LIMCH1: variants seen among roughly 807,000 people sequenced by gnomAD.
LIMCH1 encodes LIM and calponin homology domains 1, also known as LIM and calponin homology domains-containing protein 1.
LIMCH1 carries 113 observed loss-of-function variants against 176.5 expected under a neutral mutation model. That is an observed-to-expected ratio of 0.64 (90% CI 0.55 to 0.75). The LOEUF (loss-of-function observed/expected upper bound fraction) is 0.75. Among genes scored for constraint, LIMCH1 ranks in the 30% least tolerant of loss-of-function variants. The pLI is 0.00. For missense variants in LIMCH1, 1,674 were observed against 1,814.9 expected (o/e 0.92, Z 1.41); for synonymous variants, 619 against 645.9 (o/e 0.96, Z 0.63).
At chr4:41,578,705 T>C (rs2084903046) in intron 1 of LIMCH1, among the ~76,000 whole-genome samples, 1 of 151,914 alleles carries the variant, frequency 6.6e-6, no homozygotes, top group South Asian at 2.1e-4. Context: ...TTTCTTCTTT[T>C]CCCCCTTCCC....
At chr4:41,646,988 CA>C in intron 17 of LIMCH1, 95 bp downstream of exon 17, 1 of 1,187,040 alleles carries the variant, frequency 8.4e-7, no homozygotes, top group Non-Finnish European at 1.2e-6. Context: ...TTCTTTTTAC[CA>C]TACAAAAGAA....
At chr4:41,383,872 A>G (rs543166537) in intron 1 of LIMCH1, among the ~76,000 whole-genome samples, 65 of 152,326 alleles carry the variant, frequency 4.3e-4, no homozygotes, top group Middle Eastern at 6.8e-3. Flanking sequence ...TAGAAAGAGG[A>G]ACCTGCAGAG....
chr4:41,666,545 G>A lies in LIMCH1; in HGVS notation c.3292-16G>A. On this transcript the variant is annotated splice_polypyrimidine_tract_variant and intron_variant, in intron 20 of 31. Transcript: ENST00000503057. ...GACAGTTCTTGCAATATTTATACCT[G>A]TTTTCCATTGTCCAGGTGGTAAAGC... 1 of 1,559,234 alleles carries A rather than the reference G, an allele frequency of 6.4e-7. No homozygotes were observed. Among genetic ancestry groups the A allele is most frequent in the Non-Finnish European group, 8.8e-7 (1 of 1,130,316 alleles).
chr4:41,579,983 A>G (rs1187162277), intron 1 of LIMCH1, among the ~76,000 whole-genome samples: 2 of 152,176 alleles, frequency 1.3e-5, no homozygotes, highest in Non-Finnish European at 2.9e-5. Flanking sequence ...GCCTTCGGGG[A>G]GGGCACCACC....
chr4:41,511,333 G>A (rs1285877590), intron 2 of LIMCH1, among the ~76,000 whole-genome samples: 1 of 152,064 alleles, frequency 6.6e-6, no homozygotes, highest in East Asian at 1.9e-4. Context: ...CCAAACAAAC[G>A]CAATGGGCAC....
chr4:41,493,442 CAAAAATATTA>C, intron 1 of LIMCH1, among the ~76,000 whole-genome samples: 1 of 146,764 alleles, frequency 6.8e-6, no homozygotes, highest in East Asian at 2.0e-4. Context: ...AACTGTGGAC[CAAAAATATTA>C]AAAAAAAAAA....
intron 1 of LIMCH1, among the ~76,000 whole-genome samples, chr4:41,439,209 T>C (rs1033627063): frequency 6.6e-6 from 1 of 152,174 alleles, no homozygotes; most frequent in African/African-American, 2.4e-5. Flanking sequence ...GATGGGGACA[T>C]AATTGCAGTG....
chr4:41,474,142 C>T (rs2067380409), intron 1 of LIMCH1, among the ~76,000 whole-genome samples: 1 of 152,090 alleles, frequency 6.6e-6, no homozygotes, highest in South Asian at 2.1e-4. Context: ...TGCACCACTG[C>T]ACTCCAGCCT....
intron 1 of LIMCH1, among the ~76,000 whole-genome samples, chr4:41,434,062 A>T (rs972618317): frequency 2.7e-5 from 4 of 149,194 alleles, no homozygotes; most frequent in African/African-American, 9.7e-5. Flanking sequence ...ACATAAGAGG[A>T]CAAAATGGTG....
intron 22 of LIMCH1, among the ~76,000 whole-genome samples, chr4:41,674,740 C>T (rs75523377): frequency 0.073 from 11,136 of 152,174 alleles, 510 homozygotes; most frequent in South Asian, 0.14. Flanking sequence ...TCACACAAAG[C>T]CTATTTTATG....
chr4:41,444,329 C>T (rs2063045693), intron 1 of LIMCH1, among the ~76,000 whole-genome samples: 1 of 127,854 alleles, frequency 7.8e-6, no homozygotes, highest in Admixed American at 7.1e-5. Flanking sequence ...CACACACACA[C>T]ACACACACAC....
intron 1 of LIMCH1, among the ~76,000 whole-genome samples, chr4:41,438,071 C>G (rs1472475546): frequency 6.6e-6 from 1 of 152,162 alleles, no homozygotes; most frequent in Admixed American, 6.5e-5. Flanking sequence ...AGCTGTTTTC[C>G]CCAATCAGCT....
At chr4:41,438,786 C>T (rs546158440) in intron 1 of LIMCH1, among the ~76,000 whole-genome samples, 2 of 152,212 alleles carry the variant, frequency 1.3e-5, no homozygotes, top group Admixed American at 6.5e-5. Flanking sequence ...GCATCACATG[C>T]ACCTCGCCCA....
intron 1 of LIMCH1, among the ~76,000 whole-genome samples, chr4:41,399,645 C>T (rs2058161756): frequency 6.7e-6 from 1 of 149,186 alleles, no homozygotes; most frequent in African/African-American, 2.5e-5. Flanking sequence ...ATATATTACT[C>T]AGCTAACTTT....
intron 2 of LIMCH1, among the ~76,000 whole-genome samples, chr4:41,600,609 G>A (rs2089745229): frequency 6.6e-6 from 1 of 151,956 alleles, no homozygotes; most frequent in Non-Finnish European, 1.5e-5. Context: ...AAAAAACTGG[G>A]CATCAGGAAA....
At chr4:41,648,693 G>GTGTGTGTGTGTGTGTGTGTGTA (rs2094165498) in intron 17 of LIMCH1, among the ~76,000 whole-genome samples, 1 of 149,378 alleles carries the variant, frequency 6.7e-6, no homozygotes, top group African/African-American at 2.5e-5. Context: ...GTGTGTGTGT[G>GTGTGTGTGTGTGTGTGTGTGTA]TGTGTGTCTT....
chr4:41,635,919 T>C (rs973058108), intron 13 of LIMCH1, among the ~76,000 whole-genome samples: 1 of 152,124 alleles, frequency 6.6e-6, no homozygotes, highest in African/African-American at 2.4e-5. Flanking sequence ...AAAAGTAAAC[T>C]TTATTTTATT....
chr4:41,666,288 C>T (rs2094822708), intron 20 of LIMCH1, among the ~76,000 whole-genome samples: 1 of 151,998 alleles, frequency 6.6e-6, no homozygotes, highest in African/African-American at 2.4e-5. Flanking sequence ...TGTATAATTC[C>T]AAAGATGTAA....
At chr4:41,687,273 G>T (rs1181757910) in intron 28 of LIMCH1, among the ~76,000 whole-genome samples, 1 of 152,190 alleles carries the variant, frequency 6.6e-6, no homozygotes, top group African/African-American at 2.4e-5. Flanking sequence ...GGGCTATTCT[G>T]ACTTGTTGAT....
Sources: gnomAD v4.1 joint callset for allele counts (sites outside exome capture counted in the v4.1 genomes callset) on GRCh38, gnomAD v4.1.1 for gene constraint, MANE v1.5 for transcripts, NCBI Gene and HGNC (gene_info 2026-07-23, HGNC 2026-07-21) for gene names.